PTN: variants seen among roughly 807,000 people sequenced by gnomAD.
The protein encoded by PTN is heparin affin regulatory protein.
In PTN, 18 loss-of-function variants were observed where a neutral mutation model predicts 24.1. That is an observed-to-expected ratio of 0.75 (90% CI 0.52 to 1.11). PTN has a LOEUF of 1.11. Ranked by LOEUF, PTN falls within the 50% of genes least tolerant of loss-of-function variation. The pLI is 0.00. For missense variants in PTN, 163 were observed against 198.8 expected (o/e 0.82, Z 1.08); for synonymous variants, 78 against 68.6 (o/e 1.14, Z -0.67).
chr7:137,267,508 T>C (rs147949672), intron 1 of PTN, among the ~76,000 whole-genome samples: 55 of 152,312 alleles, frequency 3.6e-4, no homozygotes, highest in African/African-American at 5.1e-4. Context: ...GGGACCTGTC[T>C]AGGCTTCCTT....
At chr7:137,325,280 A>G (rs1458368241) in intron 1 of PTN, 1 of 152,216 alleles carries the variant, frequency 6.6e-6, no homozygotes, top group East Asian at 1.9e-4. Context: ...AAACCAGACA[A>G]TATTTACTTC....
intron 1 of PTN, among the ~76,000 whole-genome samples, chr7:137,341,860 AATAAT>A (rs1810539409): frequency 6.6e-6 from 1 of 152,110 alleles, no homozygotes; most frequent in Non-Finnish European, 1.5e-5. Context: ...GTTTTTTTTA[AATAAT>A]ATAATTTTTT....
intron 1 of PTN, among the ~76,000 whole-genome samples, chr7:137,257,630 TTTTCA>T (rs1808957439): frequency 6.6e-6 from 1 of 152,220 alleles, no homozygotes; most frequent in Admixed American, 6.5e-5. Context: ...TGGCAGAAAC[TTTTCA>T]TTTCAATTGT....
intron 1 of PTN, among the ~76,000 whole-genome samples, chr7:137,304,150 C>A (rs1265170504): frequency 6.6e-6 from 1 of 151,956 alleles, no homozygotes; most frequent in African/African-American, 2.4e-5. Flanking sequence ...GTTAACTGAC[C>A]CCAAGATTTG....
intron 4 of PTN, among the ~76,000 whole-genome samples, chr7:137,243,491 C>T (rs978038134): frequency 6.6e-5 from 10 of 152,132 alleles, no homozygotes; most frequent in African/African-American, 2.4e-4. Flanking sequence ...ATGATATACC[C>T]CACCACATTC....
At chr7:137,249,946 A>C (rs1808794404) in intron 4 of PTN, among the ~76,000 whole-genome samples, 2 of 152,170 alleles carry the variant, frequency 1.3e-5, no homozygotes, top group South Asian at 4.1e-4. Flanking sequence ...GCCTGTGAAA[A>C]ATAAAGTCCT....
At chr7:137,338,729 G>GT (rs1312125466) in intron 1 of PTN, among the ~76,000 whole-genome samples, 1 of 152,100 alleles carries the variant, frequency 6.6e-6, no homozygotes, top group Non-Finnish European at 1.5e-5. Context: ...GTCACTATGC[G>GT]TAAAAGTCTG....
rs181922517 is a variant in PTN at position 137,264,432 on chromosome 7, A to G, written c.-1-9458T>C. On this transcript the variant is annotated intron_variant, in intron 1 of 4. Coordinates refer to ENST00000348225, the MANE Select transcript of PTN (RefSeq NM_002825.7). ...AATGAGTCCCGCGATGAGTTTCCTC[A>G]TGCTTCGGCCATGAGTGGACCAGTC... Among the ~76,000 whole-genome samples the G allele has an allele frequency of 3.0e-3, 451 of 152,308 alleles. 2 individuals carry two copies. The highest frequency in any genetic ancestry group is 0.01 in the African/African-American group (430 of 41,574).
Position 137,254,925 on chromosome 7 carries a change from A to G in PTN, c.49T>C (p.Phe17Leu), listed in dbSNP as rs375813942. The change falls in exon 2 of 5, where the codon TTC becomes CTC. Residue 17 changes from phenylalanine to leucine, a missense_variant. Phe to Leu is a conservative substitution (Grantham distance 22). Coordinates refer to ENST00000348225, the MANE Select transcript of PTN (RefSeq NM_002825.7). ...QQQRRKFAAAFLAFIFILAAV... is the reference protein window; with the variant it reads ...QQQRRKFAAALLAFIFILAAV... ...GCCAGTATGAAAATGAATGCCAAGAAGGCAGCTGCAAATTTTCGACGCTGC... is the reference window on the plus strand; with the variant it reads ...GCCAGTATGAAAATGAATGCCAAGAGGGCAGCTGCAAATTTTCGACGCTGC... The G allele has an allele frequency of 6.3e-7, 1 of 1,581,176 alleles. No individual in the cohort carries two copies. Among genetic ancestry groups the G allele is most frequent in the Non-Finnish European group, 8.7e-7 (1 of 1,155,788 alleles).
At chr7:137,245,906 T>C (rs1808715317) in intron 4 of PTN, among the ~76,000 whole-genome samples, 1 of 152,248 alleles carries the variant, frequency 6.6e-6, no homozygotes, top group African/African-American at 2.4e-5. Flanking sequence ...GAACTTTAAG[T>C]CTTATTTTAA....
intron 1 of PTN, among the ~76,000 whole-genome samples, chr7:137,273,958 T>C (rs1027583781): frequency 2.0e-5 from 3 of 152,206 alleles, no homozygotes; most frequent in Non-Finnish European, 4.4e-5. Context: ...AGCTCACTTT[T>C]GCTTATTTGT....
chr7:137,299,112 A>T (rs1809764935), intron 1 of PTN, among the ~76,000 whole-genome samples: 1 of 151,956 alleles, frequency 6.6e-6, no homozygotes. Flanking sequence ...GGCACATTGC[A>T]TTCACAGCCA....
At chr7:137,255,027 G>T in intron 1 of PTN, 53 bp from the exon 2 acceptor site, 1 of 1,311,062 alleles carries the variant, frequency 7.6e-7, no homozygotes, top group Non-Finnish European at 1.0e-6. Context: ...AGTCAGAAAG[G>T]AAGATTCATT....
intron 4 of PTN, among the ~76,000 whole-genome samples, chr7:137,250,842 A>G (rs568564783): frequency 3.2e-4 from 49 of 152,380 alleles, no homozygotes; most frequent in Non-Finnish European, 6.3e-4. Context: ...ACTATATTTC[A>G]GATAATCTGG....
intron 4 of PTN, among the ~76,000 whole-genome samples, chr7:137,239,371 CTTTTTTAT>C (rs989030294): frequency 2.3e-5 from 3 of 129,896 alleles, no homozygotes; most frequent in African/African-American, 1.0e-4. Context: ...ATGTAATTTT[CTTTTTTAT>C]TTATTTATTT....
intron 1 of PTN, among the ~76,000 whole-genome samples, chr7:137,256,115 T>C (rs1808918936): frequency 1.3e-5 from 2 of 152,226 alleles, no homozygotes; most frequent in African/African-American, 2.4e-5. Flanking sequence ...TCTGAGATGA[T>C]ATCCTTGCCC....
chr7:137,283,768 G>A (rs1170960479), intron 1 of PTN, among the ~76,000 whole-genome samples: 3 of 151,878 alleles, frequency 2.0e-5, no homozygotes, highest in African/African-American at 7.3e-5. Context: ...CTAAAATCAG[G>A]GACGGTGATT....
At chr7:137,271,569 G>A (rs1352008940) in intron 1 of PTN, among the ~76,000 whole-genome samples, 1 of 152,248 alleles carries the variant, frequency 6.6e-6, no homozygotes, top group African/African-American at 2.4e-5. Context: ...GTAAAGGTAT[G>A]TTTGTTCAAT....
At chr7:137,231,233 C>T (rs1563192712) in intron 4 of PTN, among the ~76,000 whole-genome samples, 2 of 151,868 alleles carry the variant, frequency 1.3e-5, no homozygotes, top group Admixed American at 1.3e-4. Context: ...TAAATGGATC[C>T]ATAACATGGT....
Sources: allele counts gnomAD v4.1 joint callset (sites outside exome capture counted in the v4.1 genomes callset), GRCh38; gene constraint gnomAD v4.1.1; transcripts MANE v1.5; gene names NCBI Gene and HGNC (gene_info 2026-07-23, HGNC 2026-07-21).